Variants in CRB1 observed in about 807,000 individuals in gnomAD.
CRB1 encodes the protein crumbs cell polarity complex component 1.
CRB1 carries 83 observed loss-of-function variants against 120.0 expected under a neutral mutation model. The observed-to-expected ratio is 0.69, with a 90% confidence interval of 0.58 to 0.83. The LOEUF (loss-of-function observed/expected upper bound fraction) is 0.83. Among genes scored for constraint, CRB1 ranks in the 40% least tolerant of loss-of-function variants. CRB1 has a pLI of 0.00. For missense variants in CRB1, 1,699 were observed against 1,687.6 expected (o/e 1.01, Z -0.12); for synonymous variants, 625 against 612.5 (o/e 1.02, Z -0.30).
the CRB1 span, among the ~76,000 whole-genome samples, chr1:197,238,027 A>ATGT: frequency 6.6e-6 from 1 of 152,116 alleles, no homozygotes; most frequent in Non-Finnish European, 1.5e-5. Flanking sequence ...TGTTCTACAA[A>ATGT]TGTTGATATG....
At position 197,477,701 on chromosome 1, in the gene CRB1, T is replaced by C. The variant is rs774187022; in HGVS notation, c.4043T>C (p.Ile1348Thr). The change falls in exon 12 of 12, where the codon ATT becomes ACT. Residue 1348 changes from isoleucine to threonine, a missense_variant. Physicochemically the swap from Ile to Thr is moderately conservative, Grantham distance 89. Coordinates refer to ENST00000367400, the MANE Select transcript of CRB1 (RefSeq NM_201253.3). ...TTGATCTCCGACATTTTCACCACTA[T>C]TGGCTCAGTGACTGTCGCCTTGTTA... ...DDLISDIFTT[I>T]GSVTVALLLI... The C allele has an allele frequency of 6.2e-7, 1 of 1,613,920 alleles. No individual in the cohort carries two copies. The highest frequency in any genetic ancestry group is 2.2e-5 in the East Asian group (1 of 44,870).
intron 5 of CRB1, among the ~76,000 whole-genome samples, chr1:197,408,751 C>G (rs1243842898): frequency 6.6e-6 from 1 of 152,242 alleles, no homozygotes; most frequent in South Asian, 2.1e-4. Context: ...AGAGCAGAGC[C>G]CTTTCTGATG....
chr1:197,405,936 C>G (rs745599170), intron 5 of CRB1, among the ~76,000 whole-genome samples: 3 of 151,262 alleles, frequency 2.0e-5, no homozygotes, highest in Non-Finnish European at 4.4e-5. Flanking sequence ...CCAGCCGTCC[C>G]GTCCGGGAGG....
upstream of CRB1, among the ~76,000 whole-genome samples, chr1:197,266,032 T>G (rs1654622901): frequency 6.6e-6 from 1 of 152,182 alleles, no homozygotes; most frequent in Non-Finnish European, 1.5e-5. Flanking sequence ...CTGACATCTC[T>G]TCACACCTAT....
chr1:197,311,719 G>C (rs536257341), intron 1 of CRB1, among the ~76,000 whole-genome samples: 1 of 151,000 alleles, frequency 6.6e-6, no homozygotes, highest in African/African-American at 2.4e-5. Flanking sequence ...GTGTGTGTGT[G>C]TGTGTGTGTG....
chr1:197,235,744 A>G, the CRB1 span, among the ~76,000 whole-genome samples: 6 of 152,234 alleles, frequency 3.9e-5, no homozygotes, highest in Non-Finnish European at 8.8e-5. Context: ...GTTAAGGAGC[A>G]AGAGTGAGCT....
chr1:197,372,598 GTTA>G (rs1465680395), intron 5 of CRB1, among the ~76,000 whole-genome samples: 1 of 152,042 alleles, frequency 6.6e-6, no homozygotes, highest in Admixed American at 6.6e-5. Context: ...ATGAATATAT[GTTA>G]TTAAGATTGA....
rs748727418 is a variant in CRB1, at chr1:197,393,039, C to T, written c.1172-27961C>T. 8.6e-5 allele frequency among the ~76,000 whole-genome samples: 13 copies of T among 151,834 alleles called. 1 individual carries two copies. Among genetic ancestry groups the T allele is most frequent in the Admixed American group, 2.6e-4 (4 of 15,202 alleles). ...CTGTGCAATAATAACAAAATATATACTACATAATTAGACTGAGTATATATT... is the reference window on the plus strand; with the variant it reads ...CTGTGCAATAATAACAAAATATATATTACATAATTAGACTGAGTATATATT... On this transcript the variant is annotated intron_variant, in intron 5 of 11. Coordinates refer to ENST00000367400, the MANE Select transcript of CRB1 (RefSeq NM_201253.3).
the CRB1 span, among the ~76,000 whole-genome samples, chr1:197,206,812 T>A: frequency 6.6e-6 from 1 of 152,308 alleles, no homozygotes; most frequent in Middle Eastern, 3.4e-3. Context: ...CTTGATAACC[T>A]GTCTAGTGCT....
At chr1:197,226,764 G>T in the CRB1 span, among the ~76,000 whole-genome samples, 1 of 152,084 alleles carries the variant, frequency 6.6e-6, no homozygotes, top group Admixed American at 6.6e-5. Context: ...CTCAAGATTG[G>T]GAAGAAAAAG....
chr1:197,310,990 C>G (rs1657486080), intron 1 of CRB1, among the ~76,000 whole-genome samples: 1 of 152,184 alleles, frequency 6.6e-6, no homozygotes. Flanking sequence ...TGCCATTCAT[C>G]TGACATAGAA....
chr1:197,467,935 G>A (rs1019320347), intron 11 of CRB1, among the ~76,000 whole-genome samples: 7 of 152,114 alleles, frequency 4.6e-5, no homozygotes, highest in Non-Finnish European at 1.0e-4. Context: ...TTCTTGACAT[G>A]GTATCTAGAT....
In CRB1 at chr1:197,393,472, A is replaced by G. The variant is rs144779848; in HGVS notation, c.1172-27528A>G. Among the ~76,000 whole-genome samples, 407 of 152,210 alleles carry G rather than the reference A, an allele frequency of 2.7e-3. 2 individuals carry two copies. Among genetic ancestry groups the G allele is most frequent in the African/African-American group, 9.6e-3 (398 of 41,534 alleles). On this transcript the variant is annotated intron_variant, in intron 5 of 11. Transcript: ENST00000367400. ...GGCTGTTTTCAGTCTTCCTTTACAA[A>G]TCTAGATGAATATGCCAGGCACTCT...
intron 1 of CRB1, among the ~76,000 whole-genome samples, chr1:197,273,951 G>C (rs575128238): frequency 6.6e-6 from 1 of 152,066 alleles, no homozygotes; most frequent in East Asian, 1.9e-4. Context: ...GTTGCTGCTG[G>C]GGTGTCAGGT....
intron 5 of CRB1, among the ~76,000 whole-genome samples, chr1:197,416,200 A>T (rs189904979): frequency 1.4e-3 from 206 of 152,250 alleles, no homozygotes; most frequent in African/African-American, 4.8e-3. Context: ...GACAGGGACT[A>T]GTTCGAACTT....
chr1:197,284,673 C>A (rs1233696757), intron 1 of CRB1, among the ~76,000 whole-genome samples: 1 of 151,860 alleles, frequency 6.6e-6, no homozygotes, highest in Non-Finnish European at 1.5e-5. Context: ...GCCAAAGAAA[C>A]AGCTGTTAGT....
chr1:197,357,749 G>A (rs1172155275), intron 5 of CRB1: 2 of 152,400 alleles, frequency 1.3e-5, no homozygotes, highest in Non-Finnish European at 1.5e-5. Context: ...GGATTTCTGA[G>A]AAAAGTAAAT....
chr1:197,268,827 C>A (rs1181728730), intron 1 of CRB1, among the ~76,000 whole-genome samples: 1 of 152,090 alleles, frequency 6.6e-6, no homozygotes, highest in Non-Finnish European at 1.5e-5. Flanking sequence ...AATTGATATC[C>A]TTTAAAAGGA....
intron 1 of CRB1, among the ~76,000 whole-genome samples, chr1:197,286,672 C>G (rs1281242789): frequency 6.6e-6 from 1 of 151,856 alleles, no homozygotes; most frequent in Non-Finnish European, 1.5e-5. Flanking sequence ...AACTTCAGTA[C>G]TATTGTAGGC....
Sources: gnomAD v4.1 joint callset for allele counts (sites outside exome capture counted in the v4.1 genomes callset) on GRCh38, gnomAD v4.1.1 for gene constraint, MANE v1.5 for transcripts, NCBI Gene and HGNC (gene_info 2026-07-23, HGNC 2026-07-21) for gene names.